NCAM2: variants seen among roughly 807,000 people sequenced by gnomAD.
The protein encoded by NCAM2 is neural cell adhesion molecule 2.
In NCAM2, 30 loss-of-function variants were observed where a neutral mutation model predicts 98.1. The observed-to-expected ratio is 0.31, with a 90% CI of 0.23 to 0.41. The LOEUF (loss-of-function observed/expected upper bound fraction) is 0.41, where lower values mean the gene tolerates loss of function less well. Among genes scored for constraint, NCAM2 ranks in the 10% least tolerant of loss-of-function variants. The pLI, the probability that NCAM2 is intolerant of heterozygous loss-of-function variation, is 1.00. For missense variants in NCAM2, 867 were observed against 1,005.8 expected (o/e 0.86, Z 1.87); for synonymous variants, 368 against 342.4 (o/e 1.07, Z -0.83).
intron 11 of NCAM2, 67 bp from the exon 12 acceptor site, chr21:21,432,041 C>A: frequency 6.8e-7 from 1 of 1,468,584 alleles, no homozygotes; most frequent in South Asian, 1.2e-5. Flanking sequence ...CTCATAACAC[C>A]ATAAGCCTTA....
intron 11 of NCAM2, among the ~76,000 whole-genome samples, chr21:21,422,163 C>T (rs2077124106): frequency 6.6e-6 from 1 of 152,066 alleles, no homozygotes; most frequent in Non-Finnish European, 1.5e-5. Context: ...AAACAGCAAC[C>T]CAAACAGGCT....
At chr21:21,434,762 A>G (rs1171617289) in intron 12 of NCAM2, among the ~76,000 whole-genome samples, 1 of 152,236 alleles carries the variant, frequency 6.6e-6, no homozygotes, top group Non-Finnish European at 1.5e-5. Context: ...TTTAAAACTT[A>G]TAATAATGTT....
Position 21,153,667 on chromosome 21 carries a change from A to G in NCAM2, c.56-126911A>G, listed in dbSNP as rs561325057. Among the ~76,000 whole-genome samples the G allele has an allele frequency of 3.3e-5, 5 of 152,026 alleles. No homozygotes were observed. In the East Asian group the frequency reaches 7.8e-4, roughly 24 times the overall value. On this transcript the variant is annotated intron_variant, in intron 1 of 17. Transcript: ENST00000400546. ...CATGGTGGGGGGTACCGTGCGAACAATGGAACCAAAATTTGCAGTTTTGAA... is the reference window on the plus strand; with the variant it reads ...CATGGTGGGGGGTACCGTGCGAACAGTGGAACCAAAATTTGCAGTTTTGAA...
chr21:21,361,250 A>C (rs2075638191), intron 8 of NCAM2, among the ~76,000 whole-genome samples: 1 of 151,898 alleles, frequency 6.6e-6, no homozygotes, highest in Non-Finnish European at 1.5e-5. Flanking sequence ...ACAAACACAT[A>C]CACATCCTTC....
At chr21:21,343,352 T>TACAC (rs1207234552) in intron 8 of NCAM2, among the ~76,000 whole-genome samples, 4,254 of 110,010 alleles carry the variant, frequency 0.039, 145 homozygotes, top group East Asian at 0.11. Flanking sequence ...CAACTATCTA[T>TACAC]ACACATACAC....
intron 1 of NCAM2, among the ~76,000 whole-genome samples, chr21:21,197,980 C>CT (rs937839717): frequency 1.3e-5 from 2 of 152,120 alleles, no homozygotes; most frequent in Non-Finnish European, 2.9e-5. Context: ...GTCTCCATGC[C>CT]TGTCTCCTCC....
chr21:21,109,328 A>G (rs1224262615), intron 1 of NCAM2, among the ~76,000 whole-genome samples: 2 of 152,144 alleles, frequency 1.3e-5, no homozygotes, highest in Admixed American at 6.6e-5. Flanking sequence ...CACATCTTAT[A>G]TATTTTAAAT....
chr21:21,313,481 G>C lies in NCAM2; in HGVS notation c.620-10902G>C, dbSNP rs187969350. ...TACATCTTTTAATTTCATTTGTTCT[G>C]AAACCTACATTTTCTGATATTGACA... On this transcript the variant is annotated intron_variant, in intron 5 of 17. Transcript: ENST00000400546. Among the ~76,000 whole-genome samples, 1,430 of 151,608 alleles carry C rather than the reference G, an allele frequency of 9.4e-3. 10 individuals carry two copies. Among genetic ancestry groups the C allele is most frequent in the Non-Finnish European group, 0.013 (904 of 67,754 alleles).
At chr21:21,363,730 AT>A (rs200607788) in intron 8 of NCAM2, among the ~76,000 whole-genome samples, 2 of 151,722 alleles carry the variant, frequency 1.3e-5, no homozygotes, top group African/African-American at 2.4e-5. Context: ...TGTTTTAATT[AT>A]TTTTTTTACA....
chr21:21,397,143 G>A (rs577044179), intron 9 of NCAM2, among the ~76,000 whole-genome samples: 19 of 152,102 alleles, frequency 1.2e-4, no homozygotes, highest in Admixed American at 4.6e-4. Flanking sequence ...TGGCTGAGTC[G>A]GGGTTTTATG....
chr21:21,260,074 A>T (rs1156801450), intron 1 of NCAM2, among the ~76,000 whole-genome samples: 1 of 151,756 alleles, frequency 6.6e-6, no homozygotes, highest in Non-Finnish European at 1.5e-5. Context: ...TATGAGCAAT[A>T]GAATAGATCA....
chr21:21,074,184 G>A (rs192950108), intron 1 of NCAM2, among the ~76,000 whole-genome samples: 10 of 151,758 alleles, frequency 6.6e-5, no homozygotes, highest in South Asian at 6.2e-4. Flanking sequence ...ATTTCTGTCC[G>A]TCATATAGTA....
intron 14 of NCAM2, among the ~76,000 whole-genome samples, chr21:21,469,541 G>T (rs928385839): frequency 6.6e-5 from 10 of 151,908 alleles, no homozygotes; most frequent in African/African-American, 2.4e-4. Flanking sequence ...CATACAACAT[G>T]CGTTTTATGC....
chr21:21,010,427 T>G (rs2064188256), intron 1 of NCAM2, among the ~76,000 whole-genome samples: 1 of 152,124 alleles, frequency 6.6e-6, no homozygotes, highest in African/African-American at 2.4e-5. Context: ...TAGTACACAA[T>G]TAAGAGCTAT....
chr21:21,051,147 G>A (rs1191974188), intron 1 of NCAM2, among the ~76,000 whole-genome samples: 1 of 152,184 alleles, frequency 6.6e-6, no homozygotes, highest in African/African-American at 2.4e-5. Context: ...ATGGTCCCAT[G>A]TCCGAGGTAA....
intron 3 of NCAM2, among the ~76,000 whole-genome samples, chr21:21,285,797 C>T (rs1002058235): frequency 6.6e-6 from 1 of 151,802 alleles, no homozygotes; most frequent in African/African-American, 2.4e-5. Context: ...GCTAAACATG[C>T]TATGGAATCC....
intron 15 of NCAM2, among the ~76,000 whole-genome samples, chr21:21,484,849 T>C (rs187432704): frequency 3.9e-5 from 6 of 152,300 alleles, no homozygotes; most frequent in African/African-American, 1.4e-4. Context: ...CATTAATTCC[T>C]AAAGTTGACC....
At chr21:21,387,199 C>G (rs1041877069) in intron 9 of NCAM2, among the ~76,000 whole-genome samples, 56 of 150,416 alleles carry the variant, frequency 3.7e-4, no homozygotes, top group African/African-American at 1.3e-3. Flanking sequence ...CACACACACA[C>G]ACACACACAC....
chr21:21,332,364 C>T (rs2074739643), intron 6 of NCAM2, among the ~76,000 whole-genome samples: 2 of 152,064 alleles, frequency 1.3e-5, no homozygotes, highest in African/African-American at 4.8e-5. Flanking sequence ...TAGGTGGATC[C>T]AAACCACCTT....
Sources: allele counts gnomAD v4.1 joint callset (sites outside exome capture counted in the v4.1 genomes callset), GRCh38; gene constraint gnomAD v4.1.1; transcripts MANE v1.5; gene names NCBI Gene and HGNC (gene_info 2026-07-23, HGNC 2026-07-21).